The following ENPP1 variants were observed in gnomAD, a reference collection of about 807,000 sequenced individuals.
ENPP1 encodes the protein ectonucleotide pyrophosphatase/phosphodiesterase 1.
Under a neutral mutation model 122.8 loss-of-function variants are expected in ENPP1, and 73 were observed. The observed-to-expected ratio is 0.59, with a 90% CI of 0.49 to 0.72. The LOEUF (loss-of-function observed/expected upper bound fraction) is 0.72, where lower values mean the gene tolerates loss of function less well. Among genes scored for constraint, ENPP1 ranks in the 30% least tolerant of loss-of-function variants. The pLI is 0.00. For missense variants in ENPP1, 978 were observed against 1,128.1 expected (o/e 0.87, Z 1.91); for synonymous variants, 367 against 391.6 (o/e 0.94, Z 0.74).
intron 1 of ENPP1, among the ~76,000 whole-genome samples, chr6:131,831,114 CAAAAAA>C (rs3036850): frequency 8.3e-5 from 5 of 60,016 alleles, no homozygotes; most frequent in East Asian, 8.0e-4. Context: ...GCCCATCTCT[CAAAAAA>C]AAAAAAAAAA....
intron 18 of ENPP1, chr6:131,877,866 AATATATATATATATATAT>A (rs35142604): frequency 3.4e-4 from 18 of 53,022 alleles, no homozygotes; most frequent in Admixed American, 7.1e-4. Flanking sequence ...AAAAAAAAAA[AATATATATATATATATAT>A]ATATATATAT....
intron 1 of ENPP1, among the ~76,000 whole-genome samples, chr6:131,843,014 C>T (rs1237984922): frequency 6.6e-6 from 1 of 152,064 alleles, no homozygotes; most frequent in African/African-American, 2.4e-5. Context: ...CTCCCAGTTT[C>T]TTGTTTTCTA....
intron 1 of ENPP1, among the ~76,000 whole-genome samples, chr6:131,839,919 T>C (rs1468562099): frequency 6.6e-6 from 1 of 152,216 alleles, no homozygotes; most frequent in Non-Finnish European, 1.5e-5. Context: ...TTCCTACTCT[T>C]GGACATTATG....
Position 131,851,236 on chromosome 6 carries a change from C to T in ENPP1, c.525C>T (p.Asp175=), listed in dbSNP as rs781522495. 5.6e-6 allele frequency: 9 copies of T among 1,614,018 alleles called. No homozygotes were observed. In the African/African-American group the frequency reaches 9.3e-5, roughly 17 times the overall value. ...ACSDDCKDKG[D]CCINYSSVCQ... ...CAGATGACTGCAAGGACAAGGGCGA[C>T]TGCTGCATCAACTACAGTTCTGTGT... Residue 175 remains aspartate, a synonymous_variant, in exon 4 of 25, where the codon GAC becomes GAT. Transcript: ENST00000647893.
rs1463297226 is a variant in ENPP1, at chr6:131,890,280, T to G, written c.2608-61T>G. The G allele has an allele frequency of 8.9e-6, 12 of 1,347,006 alleles. No homozygotes were observed. The Admixed American group carries it at 2.0e-4, about 23-fold the overall frequency. 83.4% of individuals were successfully genotyped at this position (1,347,006 alleles called of 1,614,324 possible). A position where few individuals can be genotyped will look rare whatever the true frequency, so the allele number is the denominator to read the frequency against. On this transcript the variant is annotated intron_variant, in intron 24 of 24. Coordinates refer to ENST00000647893, the MANE Select transcript of ENPP1 (RefSeq NM_006208.3). ...TGATTAAACTGGGGAGATGGAGCAC[T>G]TATAGAAGTGAACTGAGTGTTCTCT... is the stretch of plus-strand genomic sequence containing the variant.
In ENPP1 at chr6:131,890,369, A is replaced by G; in HGVS notation, c.2636A>G (p.Glu879Gly). The change falls in exon 25 of 25, where the codon GAA becomes GGA. Residue 879 changes from glutamate (E) to glycine (G), a missense_variant. Glu to Gly is a moderately conservative substitution (Grantham distance 98). This residue lies in a region of ENPP1 where 644 missense variants were observed against 781.5 expected (regional missense o/e 0.82). Coordinates refer to ENST00000647893, the MANE Select transcript of ENPP1 (RefSeq NM_006208.3). ...GGGAAGCATGACTCCTCATGGGTTG[A>G]AGAATTGTTAATGTTACACAGAGCA... Reference protein sequence around the residue: ...VHGKHDSSWVEELLMLHRARI... With the variant: ...VHGKHDSSWVGELLMLHRARI... The G allele has an allele frequency of 6.2e-7, 1 of 1,614,038 alleles. No individual in the cohort carries two copies. The highest frequency in any genetic ancestry group is 1.3e-5 in the African/African-American group (1 of 75,060).
intron 1 of ENPP1, among the ~76,000 whole-genome samples, chr6:131,820,909 T>C (rs1344767458): frequency 6.6e-6 from 1 of 152,232 alleles, no homozygotes; most frequent in Non-Finnish European, 1.5e-5. Flanking sequence ...AACTGTAGCA[T>C]AGAGACAAAA....
At position 131,845,560 on chromosome 6, in the gene ENPP1, G is replaced by A. The variant is rs548916541; in HGVS notation, c.241-2216G>A. ...CAACCTCCGCCTCCCGGGTTCAAGCGATTCTCCTGTCTAAGCGCCCCCGAG... is the reference window on the plus strand; with the variant it reads ...CAACCTCCGCCTCCCGGGTTCAAGCAATTCTCCTGTCTAAGCGCCCCCGAG... On this transcript the variant is annotated intron_variant, in intron 1 of 24. Transcript: ENST00000647893. 5.3e-5 allele frequency among the ~76,000 whole-genome samples: 8 copies of A among 150,672 alleles called. No homozygotes were observed. In the South Asian group the frequency reaches 1.7e-3, roughly 32 times the overall value.
intron 19 of ENPP1, among the ~76,000 whole-genome samples, chr6:131,879,065 T>C (rs954779081): frequency 6.6e-6 from 1 of 152,210 alleles, no homozygotes; most frequent in Non-Finnish European, 1.5e-5. Flanking sequence ...ACTTGAATGT[T>C]TGGAGTCACT....
At position 131,856,167 on chromosome 6, in the gene ENPP1, G is replaced by T. The variant is rs6912922; in HGVS notation, c.715+1144G>T. ...TTTTGCATAAAAAGTCTTTAGCTTT[G>T]CATGGACAAAGCTGTGTTCTTCCCA... On this transcript the variant is annotated intron_variant, in intron 6 of 24. Transcript: ENST00000647893. Among the ~76,000 whole-genome samples, 193 of 152,240 alleles carry T rather than the reference G, an allele frequency of 1.3e-3. 1 individual carries two copies. Among genetic ancestry groups the T allele is most frequent in the African/African-American group, 4.4e-3 (181 of 41,560 alleles).
intron 18 of ENPP1, chr6:131,877,765 G>A (rs1163664391): frequency 2.8e-5 from 4 of 143,942 alleles, no homozygotes; most frequent in African/African-American, 1.0e-4. Context: ...TTTGAACCTG[G>A]GAGGCGGAGG....
At chr6:131,889,235 CTT>C (rs1298327095) in intron 24 of ENPP1, among the ~76,000 whole-genome samples, 1 of 152,130 alleles carries the variant, frequency 6.6e-6, no homozygotes, top group African/African-American at 2.4e-5. Context: ...AAATTTTCAA[CTT>C]TTAAGTTCAG....
At chr6:131,848,865 A>G (rs75133819) in intron 2 of ENPP1, among the ~76,000 whole-genome samples, 2,210 of 152,272 alleles carry the variant, frequency 0.015, 72 homozygotes, top group African/African-American at 0.05. Context: ...CGTATTTCTG[A>G]CACTAGAAAT....
intron 16 of ENPP1, among the ~76,000 whole-genome samples, chr6:131,875,502 A>G (rs536413179): frequency 2.0e-5 from 3 of 152,106 alleles, no homozygotes; most frequent in African/African-American, 7.2e-5. Flanking sequence ...TTTATATTGC[A>G]TGTCATAGAT....
chr6:131,885,198 G>A, intron 23 of ENPP1, 135 bp downstream of exon 23: 1 of 767,396 alleles, frequency 1.3e-6, no homozygotes, highest in East Asian at 2.7e-5. Context: ...TGACTACACA[G>A]GAAGCCTCTT....
At chr6:131,847,737 A>T (rs1386977035) in intron 1 of ENPP1, 39 bp from the exon 2 acceptor site, 4 of 1,404,928 alleles carry the variant, frequency 2.8e-6, no homozygotes, top group Non-Finnish European at 4.0e-6. Context: ...AATATTTTTT[A>T]AAAAAGAAAC....
chr6:131,874,859 T>C (rs911212146), intron 16 of ENPP1, among the ~76,000 whole-genome samples: 13 of 149,102 alleles, frequency 8.7e-5, no homozygotes, highest in Admixed American at 3.3e-4. Context: ...CACACACACA[T>C]ACCATGAAAT....
chr6:131,876,275 C>T (rs74843627), intron 17 of ENPP1, among the ~76,000 whole-genome samples: 2,249 of 152,266 alleles, frequency 0.015, 61 homozygotes, highest in African/African-American at 0.048. Context: ...GTCAAGGTTG[C>T]AGAAATGAAG....
intron 1 of ENPP1, chr6:131,826,420 A>G (rs1781546880): frequency 1.1e-6 from 1 of 915,104 alleles, no homozygotes; most frequent in Non-Finnish European, 1.8e-6. Flanking sequence ...GAGCTGCTCT[A>G]GGTTAGATAA....
Sources: allele counts gnomAD v4.1 joint callset (sites outside exome capture counted in the v4.1 genomes callset), GRCh38; gene constraint gnomAD v4.1.1; regional missense constraint gnomAD v4.1.1; transcripts MANE v1.5; gene names NCBI Gene and HGNC (gene_info 2026-07-23, HGNC 2026-07-21).